ADGRB3: variants seen among roughly 807,000 people sequenced by gnomAD.
The protein encoded by ADGRB3 is adhesion G protein-coupled receptor B3.
ADGRB3 carries 37 observed loss-of-function variants against 193.4 expected under a neutral mutation model. The ratio of observed to expected loss-of-function variants is 0.19; its 90% confidence interval spans 0.15 to 0.25. The LOEUF (loss-of-function observed/expected upper bound fraction) is 0.25, where lower values mean the gene tolerates loss of function less well. Among genes scored for constraint, ADGRB3 ranks in the 10% least tolerant of loss-of-function variants. The pLI, the probability that ADGRB3 is intolerant of heterozygous loss-of-function variation, is 1.00. For missense variants in ADGRB3, 1,637 were observed against 1,852.9 expected, an observed-to-expected ratio of 0.88 and a Z score of 2.14; for synonymous variants, 690 against 644.2, an observed-to-expected ratio of 1.07 and a Z score of -1.08.
intron 3 of ADGRB3, among the ~76,000 whole-genome samples, chr6:68,787,016 C>G (rs1224318315): frequency 6.6e-6 from 1 of 152,172 alleles, no homozygotes; most frequent in African/African-American, 2.4e-5. Context: ...TATCCTGAGA[C>G]TTTGCTGAAG....
At chr6:69,020,948 T>G (rs1183707187) in intron 13 of ADGRB3, among the ~76,000 whole-genome samples, 1 of 152,008 alleles carries the variant, frequency 6.6e-6, no homozygotes, top group African/African-American at 2.4e-5. Context: ...TGTAAAACAT[T>G]ATAATGTTTT....
intron 3 of ADGRB3, among the ~76,000 whole-genome samples, chr6:68,667,944 A>G (rs964577283): frequency 3.3e-5 from 5 of 151,864 alleles, no homozygotes; most frequent in Admixed American, 1.3e-4. Flanking sequence ...TCGGACCTAC[A>G]TATATGACCA....
intron 3 of ADGRB3, among the ~76,000 whole-genome samples, chr6:68,829,413 A>C (rs1363292748): frequency 6.6e-6 from 1 of 152,116 alleles, no homozygotes; most frequent in African/African-American, 2.4e-5. Flanking sequence ...TGTTTAACTA[A>C]ATAACTTATA....
At chr6:69,276,097 A>G (rs949055819) in intron 20 of ADGRB3, among the ~76,000 whole-genome samples, 1 of 152,218 alleles carries the variant, frequency 6.6e-6, no homozygotes, top group Non-Finnish European at 1.5e-5. Flanking sequence ...ATAAGGTAAA[A>G]AATTCAGCAA....
intron 17 of ADGRB3, among the ~76,000 whole-genome samples, chr6:69,170,410 T>C (rs1316211587): frequency 1.3e-5 from 2 of 152,172 alleles, no homozygotes; most frequent in Non-Finnish European, 2.9e-5. Flanking sequence ...GCCCTTGCTA[T>C]TTCTCCAGGA....
chr6:69,203,673 A>G (rs1765480771), intron 17 of ADGRB3, among the ~76,000 whole-genome samples: 1 of 152,052 alleles, frequency 6.6e-6, no homozygotes, highest in South Asian at 2.1e-4. Flanking sequence ...TGCCTCACAC[A>G]TTATTCTCTG....
At chr6:69,218,728 C>T (rs891006606) in intron 17 of ADGRB3, among the ~76,000 whole-genome samples, 1 of 152,010 alleles carries the variant, frequency 6.6e-6, no homozygotes, top group Non-Finnish European at 1.5e-5. Flanking sequence ...GTGAAGATAC[C>T]TTAGGAAGAG....
chr6:68,781,713 C>T (rs1766855887), intron 3 of ADGRB3, among the ~76,000 whole-genome samples: 1 of 151,872 alleles, frequency 6.6e-6, no homozygotes, highest in Non-Finnish European at 1.5e-5. Flanking sequence ...GGTTAACCAC[C>T]AACAGAAGCT....
intron 20 of ADGRB3, among the ~76,000 whole-genome samples, chr6:69,287,167 GT>G (rs1050310909): frequency 1.3e-5 from 2 of 152,134 alleles, no homozygotes; most frequent in East Asian, 3.9e-4. Context: ...TGGTGTATGT[GT>G]TTTTTATGTG....
At chr6:68,831,747 A>G (rs1767961071) in intron 3 of ADGRB3, among the ~76,000 whole-genome samples, 1 of 151,946 alleles carries the variant, frequency 6.6e-6, no homozygotes, top group African/African-American at 2.4e-5. Context: ...ATTCTCCAGA[A>G]AGTCAAATGA....
At chr6:69,230,569 A>T (rs899134901) in intron 17 of ADGRB3, among the ~76,000 whole-genome samples, 12 of 152,368 alleles carry the variant, frequency 7.9e-5, no homozygotes, top group African/African-American at 2.9e-4. Flanking sequence ...GACTACACAT[A>T]CTATATAGTT....
intron 30 of ADGRB3, among the ~76,000 whole-genome samples, chr6:69,373,439 T>C (rs1346457121): frequency 6.6e-6 from 1 of 152,050 alleles, no homozygotes; most frequent in Non-Finnish European, 1.5e-5. Flanking sequence ...CCAAGGATAA[T>C]TGGTTCTTTT....
At chr6:69,326,876 T>C (rs1398245674) in intron 21 of ADGRB3, among the ~76,000 whole-genome samples, 3 of 152,060 alleles carry the variant, frequency 2.0e-5, no homozygotes, top group Non-Finnish European at 2.9e-5. Flanking sequence ...TATATATTTA[T>C]AATTTTATAT....
intron 13 of ADGRB3, among the ~76,000 whole-genome samples, chr6:69,047,194 C>T (rs1461957268): frequency 6.6e-6 from 1 of 152,124 alleles, no homozygotes; most frequent in East Asian, 1.9e-4. Context: ...ATTGCAATAG[C>T]TTTTACAATT....
At chr6:69,254,403 A>T (rs1359970659) in intron 20 of ADGRB3, among the ~76,000 whole-genome samples, 1 of 151,686 alleles carries the variant, frequency 6.6e-6, no homozygotes, top group Non-Finnish European at 1.5e-5. Context: ...CATGCCTATT[A>T]CTTTTTTTTC....
At chr6:69,351,103 T>TC (rs1554201535) in intron 26 of ADGRB3, among the ~76,000 whole-genome samples, 5 of 116,620 alleles carry the variant, frequency 4.3e-5, no homozygotes, top group African/African-American at 1.5e-4. Flanking sequence ...TACTTTTTTT[T>TC]TTTTTTTGAG....
chr6:69,238,990 A>AT (rs902785454), intron 19 of ADGRB3, 134 bp from the exon 20 acceptor site: 3 of 435,638 alleles, frequency 6.9e-6, no homozygotes, highest in Non-Finnish European at 8.0e-6. Flanking sequence ...CTATTTTTAT[A>AT]TTTTTTATTT....
intron 11 of ADGRB3, among the ~76,000 whole-genome samples, chr6:69,002,538 TTGA>T (rs1280986034): frequency 6.6e-6 from 1 of 152,112 alleles, no homozygotes; most frequent in Non-Finnish European, 1.5e-5. Flanking sequence ...CTTAAAACAC[TTGA>T]TGAGCAAGCA....
chr6:69,309,786 A>G (rs184801800), intron 20 of ADGRB3, among the ~76,000 whole-genome samples: 3 of 151,764 alleles, frequency 2.0e-5, no homozygotes, highest in Non-Finnish European at 3.0e-5. Flanking sequence ...TCTTGCTCCA[A>G]TACTAACTTT....
Sources: allele counts gnomAD v4.1 joint callset (sites outside exome capture counted in the v4.1 genomes callset), GRCh38; gene constraint gnomAD v4.1.1; transcripts MANE v1.5; gene names NCBI Gene and HGNC (gene_info 2026-07-23, HGNC 2026-07-21).